The following ARMC2 variants were observed in gnomAD, a reference collection of about 807,000 sequenced individuals.
The protein encoded by ARMC2 is armadillo repeat-containing protein 2.
ARMC2 carries 67 observed loss-of-function variants against 90.3 expected under a neutral mutation model. The ratio of observed to expected loss-of-function variants is 0.74; its 90% CI spans 0.61 to 0.91. The LOEUF (loss-of-function observed/expected upper bound fraction) is 0.91. ARMC2 is among the 40% of genes least tolerant of loss of function. The pLI, the probability that ARMC2 is intolerant of heterozygous loss-of-function variation, is 0.00. For synonymous variants in ARMC2, 393 were observed against 393.0 expected, an observed-to-expected ratio of 1.00 and a Z score of 0.00; for missense variants, 920 against 1,030.9, an observed-to-expected ratio of 0.89 and a Z score of 1.47.
rs762870475 is a variant in ARMC2 at position 108,928,098 on chromosome 6, C to T, written c.1361C>T (p.Thr454Ile). ...SGHLLVQVTA[T>I]LRNLVDSSLV... is the part of the protein sequence containing the mutation. The stretch of plus-strand genomic sequence containing the variant: ...ATGCTTTTATCCTAGGTGACTGCTA[C>T]ATTGAGAAACTTGGTTGATTCATCA... The change falls in exon 11 of 18, where the codon ACA (threonine) becomes ATA (isoleucine). Residue 454 changes from threonine to isoleucine, a missense_variant. By Grantham distance (89) the Thr-to-Ile change is moderately conservative. Coordinates refer to ENST00000392644, the MANE Select transcript of ARMC2 (RefSeq NM_032131.6). 5 of 1,603,634 alleles carry T rather than the reference C, an allele frequency of 3.1e-6. No homozygotes were observed. The Admixed American group carries it at 5.3e-5, about 17-fold the overall frequency.
the ARMC2 span, among the ~76,000 whole-genome samples, chr6:109,024,053 T>C: frequency 1.3e-5 from 2 of 152,160 alleles, no homozygotes; most frequent in African/African-American, 4.8e-5. Context: ...TGACTATTGA[T>C]ATAGCAACAT....
chr6:108,907,733 T>C, intron 8 of ARMC2: 5 of 1,610,278 alleles, frequency 3.1e-6, no homozygotes, highest in Non-Finnish European at 4.2e-6. Context: ...ATTGATGTAC[T>C]TGTAGTACCA....
At chr6:109,019,212 CACAG>C in the ARMC2 span, among the ~76,000 whole-genome samples, 10 of 152,158 alleles carry the variant, frequency 6.6e-5, no homozygotes, top group African/African-American at 2.4e-4. Flanking sequence ...CAAACACACA[CACAG>C]ACACACACCC....
chr6:109,042,510 A>C, the ARMC2 span, among the ~76,000 whole-genome samples: 1 of 151,382 alleles, frequency 6.6e-6, no homozygotes, highest in Admixed American at 6.6e-5. Flanking sequence ...ATCTATTAGG[A>C]ATGAAACAGA....
intron 7 of ARMC2, among the ~76,000 whole-genome samples, chr6:108,902,513 C>T (rs1317924945): frequency 6.6e-6 from 1 of 152,198 alleles, no homozygotes; most frequent in Admixed American, 6.5e-5. Flanking sequence ...ACAAGTGTTT[C>T]ATACAATAGG....
At chr6:108,921,571 A>C (rs150338562) in intron 10 of ARMC2, among the ~76,000 whole-genome samples, 14 of 152,342 alleles carry the variant, frequency 9.2e-5, no homozygotes, top group African/African-American at 3.4e-4. Context: ...CTTTTGTCTC[A>C]GCCAGAACTG....
chr6:108,957,279 C>T (rs1777661739), intron 13 of ARMC2, among the ~76,000 whole-genome samples: 1 of 152,238 alleles, frequency 6.6e-6, no homozygotes, highest in Non-Finnish European at 1.5e-5. Flanking sequence ...CTTCCCCTTA[C>T]ACAGCTCGAC....
chr6:109,033,425 G>A, the ARMC2 span, among the ~76,000 whole-genome samples: 2 of 152,128 alleles, frequency 1.3e-5, no homozygotes, highest in East Asian at 3.9e-4. Flanking sequence ...TGTCAGAGGT[G>A]GTTTTGATGG....
At chr6:108,988,647 C>G in the ARMC2 span, 1 of 1,610,424 alleles carries the variant, frequency 6.2e-7, no homozygotes, top group Non-Finnish European at 8.5e-7. Context: ...AAGCTACGAT[C>G]CAATAGCTGG....
chr6:108,990,995 A>G, the ARMC2 span, among the ~76,000 whole-genome samples: 1 of 151,836 alleles, frequency 6.6e-6, no homozygotes, highest in South Asian at 2.1e-4. Flanking sequence ...CTTTTTTTCA[A>G]TTCCCATACT....
At chr6:109,000,610 C>G in the ARMC2 span, 6 of 1,611,932 alleles carry the variant, frequency 3.7e-6, no homozygotes, top group Non-Finnish European at 5.1e-6. Context: ...GGGTCCCCAC[C>G]AACATGAAGG....
At chr6:108,912,702 C>G (rs1364105762) in intron 10 of ARMC2, 144 bp downstream of exon 10, 3 of 702,480 alleles carry the variant, frequency 4.3e-6, no homozygotes, top group South Asian at 1.9e-5. Context: ...TAGCCCACCT[C>G]CACCCCATGA....
chr6:109,019,424 A>G, the ARMC2 span, among the ~76,000 whole-genome samples: 1 of 152,242 alleles, frequency 6.6e-6, no homozygotes, highest in African/African-American at 2.4e-5. Context: ...AGAGCCTTAA[A>G]GAGAAAAAGC....
intron 5 of ARMC2, among the ~76,000 whole-genome samples, chr6:108,880,830 T>C (rs1777463861): frequency 6.7e-6 from 1 of 149,632 alleles, no homozygotes; most frequent in Non-Finnish European, 1.5e-5. Flanking sequence ...TTTTCTCTTT[T>C]CTCCCTCCTT....
intron 10 of ARMC2, among the ~76,000 whole-genome samples, chr6:108,916,263 A>G (rs1370700239): frequency 1.3e-5 from 2 of 152,228 alleles, no homozygotes; most frequent in African/African-American, 4.8e-5. Flanking sequence ...GTGATGAGTA[A>G]GACAGGAGAG....
At chr6:108,866,460 G>A (rs538548272) in intron 3 of ARMC2, among the ~76,000 whole-genome samples, 42 of 152,304 alleles carry the variant, frequency 2.8e-4, no homozygotes, top group Admixed American at 1.8e-3. Context: ...ACAAGCCTGC[G>A]TCAGAGGCTA....
intron 5 of ARMC2, among the ~76,000 whole-genome samples, chr6:108,883,012 G>A (rs762216590): frequency 6.6e-6 from 1 of 152,204 alleles, no homozygotes; most frequent in Non-Finnish European, 1.5e-5. Flanking sequence ...CCAGTGCTCA[G>A]CACTAGAACA....
the ARMC2 span, chr6:109,009,651 G>A: frequency 1.3e-6 from 1 of 756,794 alleles, no homozygotes; most frequent in Middle Eastern, 6.0e-4. Context: ...ATGCGGGCTC[G>A]CGTCCCCGCA....
intron 5 of ARMC2, among the ~76,000 whole-genome samples, chr6:108,878,012 A>G (rs1777105161): frequency 6.6e-6 from 1 of 152,190 alleles, no homozygotes; most frequent in African/African-American, 2.4e-5. Context: ...GTTAACTTTC[A>G]GTAACATTTT....
Sources: allele counts gnomAD v4.1 joint callset (sites outside exome capture counted in the v4.1 genomes callset), GRCh38; gene constraint gnomAD v4.1.1; transcripts MANE v1.5; gene names NCBI Gene and HGNC (gene_info 2026-07-23, HGNC 2026-07-21).